The following PDZRN3 variants were observed in gnomAD, a reference collection of about 807,000 sequenced individuals.
PDZRN3 encodes the protein PDZ domain containing ring finger 3.
PDZRN3 carries 38 observed loss-of-function variants against 85.7 expected under a neutral mutation model. The ratio of observed to expected loss-of-function variants is 0.44; its 90% confidence interval spans 0.34 to 0.58. PDZRN3 has a LOEUF of 0.58. Among genes scored for constraint, PDZRN3 ranks in the 20% least tolerant of loss-of-function variants. The probability of loss-of-function intolerance (pLI) is 0.01; values close to 1 mark genes in which losing one functional copy is unlikely to be tolerated. For synonymous variants in PDZRN3, 759 were observed against 638.0 expected (o/e 1.19, Z -2.86); for missense variants, 1,629 against 1,506.4 (o/e 1.08, Z -1.35).
intron 3 of PDZRN3, among the ~76,000 whole-genome samples, chr3:73,574,097 C>A (rs1431700885): frequency 2.0e-5 from 3 of 152,222 alleles, no homozygotes; most frequent in Non-Finnish European, 2.9e-5. Flanking sequence ...ACCCTTTATT[C>A]TAACATCACA....
chr3:73,414,702 G>T (rs1368124095), intron 3 of PDZRN3, among the ~76,000 whole-genome samples: 1 of 152,208 alleles, frequency 6.6e-6, no homozygotes, highest in Admixed American at 6.5e-5. Flanking sequence ...AATGTTGATA[G>T]AATGGGCTAT....
At chr3:73,538,150 T>G (rs55785005) in intron 3 of PDZRN3, among the ~76,000 whole-genome samples, 23,924 of 152,184 alleles carry the variant, frequency 0.16, 1,946 homozygotes, top group East Asian at 0.25. Context: ...ACCTGAAGAT[T>G]AGGACACCCA....
intron 3 of PDZRN3, among the ~76,000 whole-genome samples, chr3:73,544,815 T>C (rs1701384995): frequency 6.6e-6 from 1 of 152,166 alleles, no homozygotes; most frequent in African/African-American, 2.4e-5. Flanking sequence ...AATCACAGCA[T>C]TTTCTGAGGA....
At chr3:73,464,059 C>T (rs1320691699) in intron 3 of PDZRN3, among the ~76,000 whole-genome samples, 1 of 152,192 alleles carries the variant, frequency 6.6e-6, no homozygotes, top group Non-Finnish European at 1.5e-5. Flanking sequence ...GATCTCGGCT[C>T]ACTGCAACCT....
At chr3:73,457,673 G>A (rs1014117071) in intron 3 of PDZRN3, among the ~76,000 whole-genome samples, 5 of 152,184 alleles carry the variant, frequency 3.3e-5, no homozygotes, top group Middle Eastern at 3.4e-3. Flanking sequence ...TCCAAAATTC[G>A]TATTTTGAAA....
intron 3 of PDZRN3, among the ~76,000 whole-genome samples, chr3:73,489,222 A>AT (rs1350087860): frequency 6.6e-6 from 1 of 152,262 alleles, no homozygotes; most frequent in African/African-American, 2.4e-5. Context: ...ATGGCATTAA[A>AT]TAGCAAATAG....
At chr3:73,417,161 A>G (rs1347331945) in intron 3 of PDZRN3, among the ~76,000 whole-genome samples, 1 of 152,010 alleles carries the variant, frequency 6.6e-6, no homozygotes, top group African/African-American at 2.4e-5. Flanking sequence ...CCACACCTGG[A>G]TGATTTTTAG....
At chr3:73,530,171 T>C (rs1018191829) in intron 3 of PDZRN3, among the ~76,000 whole-genome samples, 6 of 152,186 alleles carry the variant, frequency 3.9e-5, no homozygotes, top group Admixed American at 1.3e-4. Context: ...AGTGGTTCTG[T>C]TGATCTGAAT....
At chr3:73,600,192 C>T (rs1029242686) in intron 3 of PDZRN3, among the ~76,000 whole-genome samples, 5 of 152,020 alleles carry the variant, frequency 3.3e-5, no homozygotes, top group African/African-American at 1.2e-4. Context: ...AATAATACCC[C>T]TTTGCAAGAA....
chr3:73,407,885 C>G (rs552339098), intron 3 of PDZRN3, among the ~76,000 whole-genome samples: 1 of 152,136 alleles, frequency 6.6e-6, no homozygotes, highest in East Asian at 1.9e-4. Context: ...TACTGTTACA[C>G]GGCATTGATA....
At chr3:73,532,126 G>A (rs568942814) in intron 3 of PDZRN3, among the ~76,000 whole-genome samples, 1 of 152,084 alleles carries the variant, frequency 6.6e-6, no homozygotes, top group East Asian at 1.9e-4. Flanking sequence ...TCAGCCTCCC[G>A]AGTAGCTGGG....
chr3:73,449,031 G>C (rs1201358097), intron 3 of PDZRN3, among the ~76,000 whole-genome samples: 1 of 152,114 alleles, frequency 6.6e-6, no homozygotes, highest in Non-Finnish European at 1.5e-5. Context: ...ATGTTTCTTT[G>C]AGTTTCATTT....
chr3:73,561,488 C>G (rs1701813243), intron 3 of PDZRN3: 1 of 152,178 alleles, frequency 6.6e-6, no homozygotes, highest in Non-Finnish European at 1.5e-5. Context: ...CTAGAGCTTC[C>G]AGGGATGTTG....
intron 2 of PDZRN3, among the ~76,000 whole-genome samples, chr3:73,606,142 C>G (rs551377966): frequency 6.6e-6 from 1 of 152,326 alleles, no homozygotes; most frequent in East Asian, 1.9e-4. Flanking sequence ...GTGGTTTAGA[C>G]CTGGGGCAGG....
chr3:73,411,229 T>C (rs576068914), intron 3 of PDZRN3, among the ~76,000 whole-genome samples: 2 of 152,312 alleles, frequency 1.3e-5, no homozygotes, highest in African/African-American at 4.8e-5. Context: ...ACCAAGTGGC[T>C]CTGGCCAAGC....
intron 3 of PDZRN3, among the ~76,000 whole-genome samples, chr3:73,488,420 T>G (rs1703706286): frequency 1.3e-5 from 2 of 152,210 alleles, no homozygotes; most frequent in African/African-American, 4.8e-5. Flanking sequence ...GTTTTTCCAA[T>G]GAGCCAGGTT....
At chr3:73,610,635 T>C (rs141146280) in intron 1 of PDZRN3, among the ~76,000 whole-genome samples, 253 of 152,328 alleles carry the variant, frequency 1.7e-3, no homozygotes, top group Admixed American at 4.1e-3. Context: ...CAAGTTATCT[T>C]ACATATCTTA....
At chr3:73,563,584 C>T (rs1701883049) in intron 3 of PDZRN3, among the ~76,000 whole-genome samples, 1 of 152,126 alleles carries the variant, frequency 6.6e-6, no homozygotes, top group Admixed American at 6.5e-5. Flanking sequence ...GAGACATTTG[C>T]CTGCTGTGGG....
chr3:73,616,284 C>A (rs1022563772), intron 1 of PDZRN3, among the ~76,000 whole-genome samples: 2 of 151,824 alleles, frequency 1.3e-5, no homozygotes, highest in Non-Finnish European at 2.9e-5. Flanking sequence ...AATCACCCAG[C>A]CTCAGGTATT....
Sources: allele counts gnomAD v4.1 joint callset (sites outside exome capture counted in the v4.1 genomes callset), GRCh38; gene constraint gnomAD v4.1.1; transcripts MANE v1.5; gene names NCBI Gene and HGNC (gene_info 2026-07-23, HGNC 2026-07-21).